GRID2: variants seen among roughly 807,000 people sequenced by gnomAD.
GRID2 encodes the protein glutamate ionotropic receptor delta type subunit 2, also known as glutamate receptor ionotropic, delta-2.
Under a neutral mutation model 114.8 loss-of-function variants are expected in GRID2, and 33 were observed. The ratio of observed to expected loss-of-function variants is 0.29; its 90% CI spans 0.22 to 0.38. GRID2 has a LOEUF of 0.38. Among genes scored for constraint, GRID2 ranks in the 10% least tolerant of loss-of-function variants. The pLI, the probability that GRID2 is intolerant of heterozygous loss-of-function variation, is 1.00. For missense variants in GRID2, 1,184 were observed against 1,257.7 expected (o/e 0.94, Z 0.89); for synonymous variants, 505 against 449.9 (o/e 1.12, Z -1.55).
chr4:92,898,924 C>A (rs1302786906), intron 2 of GRID2, among the ~76,000 whole-genome samples: 1 of 152,048 alleles, frequency 6.6e-6, no homozygotes, highest in African/African-American at 2.4e-5. Context: ...GTAACAATAA[C>A]TTTAATTTTG....
At chr4:93,758,571 A>G (rs1333300730) in intron 14 of GRID2, among the ~76,000 whole-genome samples, 1 of 152,206 alleles carries the variant, frequency 6.6e-6, no homozygotes, top group African/African-American at 2.4e-5. Context: ...TCTCTTCAAA[A>G]AGTATCCTTC....
At chr4:93,088,027 T>C (rs1198897360) in intron 3 of GRID2, among the ~76,000 whole-genome samples, 1 of 152,162 alleles carries the variant, frequency 6.6e-6, no homozygotes, top group African/African-American at 2.4e-5. Context: ...TTAGGCAGCT[T>C]CCTGGGGCCA....
intron 8 of GRID2, among the ~76,000 whole-genome samples, chr4:93,266,884 T>C (rs1750894292): frequency 1.3e-5 from 2 of 152,284 alleles, no homozygotes; most frequent in African/African-American, 4.8e-5. Flanking sequence ...TTACAAATAC[T>C]GTTCGAATTC....
At chr4:93,381,898 C>T (rs940388304) in intron 8 of GRID2, among the ~76,000 whole-genome samples, 3 of 152,040 alleles carry the variant, frequency 2.0e-5, no homozygotes, top group Non-Finnish European at 4.4e-5. Flanking sequence ...TTATTTCCAT[C>T]TTCAGAACTC....
At chr4:92,521,987 C>T (rs1457139227) in intron 1 of GRID2, among the ~76,000 whole-genome samples, 1 of 151,896 alleles carries the variant, frequency 6.6e-6, no homozygotes, top group Non-Finnish European at 1.5e-5. Flanking sequence ...TTCCATCCCT[C>T]GTGGAGCCTA....
intron 11 of GRID2, among the ~76,000 whole-genome samples, chr4:93,477,491 C>T (rs563540604): frequency 3.9e-5 from 6 of 152,152 alleles, no homozygotes; most frequent in Admixed American, 6.6e-5. Context: ...CCAAGCCTTT[C>T]GACCAAAACA....
chr4:93,296,935 T>C lies in GRID2; in HGVS notation c.1245+58445T>C, dbSNP rs200680231. 2.6e-5 allele frequency among the ~76,000 whole-genome samples: 4 copies of C among 152,332 alleles called. No homozygotes were observed. In the East Asian group the frequency reaches 5.8e-4, roughly 22 times the overall value. On this transcript the variant is annotated intron_variant, in intron 8 of 15. Transcript: ENST00000282020. ...ATATCTGAATGTGATTCCCCCTATA[T>C]TGTATTCCAAAACTTTGAATTACTT...
intron 2 of GRID2, among the ~76,000 whole-genome samples, chr4:92,831,774 C>T (rs748514452): frequency 4.6e-5 from 7 of 151,936 alleles, no homozygotes; most frequent in Non-Finnish European, 1.0e-4. Context: ...AGAGGAGGAT[C>T]ACTTAAGCCA....
intron 5 of GRID2, among the ~76,000 whole-genome samples, chr4:93,212,692 T>G (rs1463901406): frequency 6.6e-6 from 1 of 152,192 alleles, no homozygotes; most frequent in Non-Finnish European, 1.5e-5. Flanking sequence ...TTACTTAATT[T>G]GAATAGTGTA....
intron 2 of GRID2, among the ~76,000 whole-genome samples, chr4:93,057,350 A>G (rs1345284890): frequency 6.6e-6 from 1 of 151,964 alleles, no homozygotes; most frequent in Admixed American, 6.6e-5. Context: ...TGTGACCTAC[A>G]GTCACATAAA....
At chr4:92,627,518 C>T (rs1001051485) in intron 2 of GRID2, among the ~76,000 whole-genome samples, 1 of 152,026 alleles carries the variant, frequency 6.6e-6, no homozygotes, top group Non-Finnish European at 1.5e-5. Flanking sequence ...TGTACATTCT[C>T]TATAGCCAAT....
intron 4 of GRID2, among the ~76,000 whole-genome samples, chr4:93,147,704 A>G (rs1165187874): frequency 6.6e-6 from 1 of 152,074 alleles, no homozygotes; most frequent in Admixed American, 6.6e-5. Context: ...AAAAAGACAG[A>G]TTTATTGTCT....
chr4:92,537,421 G>A (rs757622012), intron 1 of GRID2, among the ~76,000 whole-genome samples: 7 of 152,148 alleles, frequency 4.6e-5, no homozygotes, highest in African/African-American at 7.2e-5. Flanking sequence ...CATTGAATGT[G>A]TCCCTTTAGC....
Position 93,774,407 on chromosome 4 carries a change from AAC to A in GRID2, c.*1910_*1911del, listed in dbSNP as rs1442245108. 1 of 152,136 alleles carries A rather than the reference AAC, an allele frequency of 6.6e-6. No individual in the cohort carries two copies. The highest frequency in any genetic ancestry group is 1.5e-5 in the Non-Finnish European group (1 of 67,984). 9.4% of individuals were successfully genotyped at this position (152,136 alleles called of 1,614,324 possible). A position where few individuals can be genotyped will look rare whatever the true frequency, so the allele number is the denominator to read the frequency against. ...TGATTTTAGCTATCAACAAACTGTTAACCATGTACAATATTTAAAATAGGCTT... is the reference window on the plus strand; with the variant it reads ...TGATTTTAGCTATCAACAAACTGTTACATGTACAATATTTAAAATAGGCTT... On this transcript the variant is annotated 3_prime_UTR_variant, in exon 16 of 16. Transcript: ENST00000282020.
At chr4:93,099,290 A>T (rs994069288) in intron 3 of GRID2, among the ~76,000 whole-genome samples, 1 of 151,884 alleles carries the variant, frequency 6.6e-6, no homozygotes, top group African/African-American at 2.4e-5. Flanking sequence ...TTATTTTAAA[A>T]TCCCTTTTAG....
intron 1 of GRID2, among the ~76,000 whole-genome samples, chr4:92,349,902 C>T (rs543152175): frequency 6.6e-6 from 1 of 151,746 alleles, no homozygotes; most frequent in East Asian, 1.9e-4. Flanking sequence ...GGAATTTTAC[C>T]AGTAACCCTT....
chr4:92,990,141 T>C (rs1005063983), intron 2 of GRID2, among the ~76,000 whole-genome samples: 38 of 151,742 alleles, frequency 2.5e-4, no homozygotes, highest in African/African-American at 8.7e-4. Flanking sequence ...TTCTTTATGT[T>C]GGTGTATAGC....
intron 1 of GRID2, among the ~76,000 whole-genome samples, chr4:92,501,625 A>G (rs1212009129): frequency 2.6e-5 from 4 of 152,078 alleles, no homozygotes; most frequent in Admixed American, 1.3e-4. Flanking sequence ...TGCAGGTATC[A>G]CTTCAAGCAT....
intron 8 of GRID2, among the ~76,000 whole-genome samples, chr4:93,284,814 C>T (rs1315296488): frequency 6.6e-6 from 1 of 151,686 alleles, no homozygotes; most frequent in African/African-American, 2.4e-5. Context: ...TATTATATTT[C>T]GGTACATATT....
Sources: gnomAD v4.1 joint callset for allele counts (sites outside exome capture counted in the v4.1 genomes callset) on GRCh38, gnomAD v4.1.1 for gene constraint, MANE v1.5 for transcripts, NCBI Gene and HGNC (gene_info 2026-07-23, HGNC 2026-07-21) for gene names.